LDB2: variants seen among roughly 807,000 people sequenced by gnomAD.
LDB2 encodes the protein LIM domain-binding protein 2.
LDB2 carries 12 observed loss-of-function variants against 44.3 expected under a neutral mutation model. The observed-to-expected ratio is 0.27, with a 90% CI of 0.17 to 0.44. LDB2 has a LOEUF of 0.44. Among genes scored for constraint, LDB2 ranks in the 20% least tolerant of loss-of-function variants. The probability of loss-of-function intolerance (pLI) is 1.00; values close to 1 mark genes in which losing one functional copy is unlikely to be tolerated. For missense variants in LDB2, 344 were observed against 473.5 expected (o/e 0.73, Z 2.54); for synonymous variants, 164 against 174.8 (o/e 0.94, Z 0.49).
intron 7 of LDB2, chr4:16,506,031 G>T (rs41268379): frequency 0.05 from 76,936 of 1,535,346 alleles, 2,393 homozygotes; most frequent in African/African-American, 0.12. Flanking sequence ...CCTAGCCCTC[G>T]CCAGACACAC....
At chr4:16,873,079 G>C (rs1425859294) in intron 1 of LDB2, among the ~76,000 whole-genome samples, 1 of 152,084 alleles carries the variant, frequency 6.6e-6, no homozygotes, top group Admixed American at 6.5e-5. Flanking sequence ...GAAGGAGAAT[G>C]GTGTATCGGG....
chr4:16,653,667 T>A (rs1738931671), intron 2 of LDB2: 1 of 152,126 alleles, frequency 6.6e-6, no homozygotes, highest in Non-Finnish European at 1.5e-5. Context: ...CAAGTGCAAA[T>A]TCAGTGAGGA....
At chr4:16,575,807 A>G (rs2152408569) in intron 5 of LDB2, among the ~76,000 whole-genome samples, 1 of 152,320 alleles carries the variant, frequency 6.6e-6, no homozygotes, top group South Asian at 2.1e-4. Context: ...GCACAATCTC[A>G]GCTCACTGCA....
In LDB2 at chr4:16,759,256, C is replaced by T. The variant is rs781719903; in HGVS notation, c.137G>A (p.Ser46Asn). The T allele has an allele frequency of 8.7e-6, 14 of 1,604,050 alleles. No homozygotes were observed. In the South Asian group the frequency reaches 1.1e-4, roughly 13 times the overall value. Reference protein sequence around the residue: ...NKRLQSRTEDSDNLWWDAFAT... With the variant: ...NKRLQSRTEDNDNLWWDAFAT... ...AAAGGCGTCCCACCAGAGGTTGTCA[C>T]TATCCTGCAAAGAGACAGATCATTT... The change falls in exon 2 of 8, where the codon AGT becomes AAT. Residue 46 changes from serine to asparagine, a missense_variant. Physicochemically the swap from Ser to Asn is conservative, Grantham distance 46 (BLOSUM62 1). Around this residue, in one of 3 missense-constraint regions of LDB2, gnomAD observed 226 missense variants for 270.1 expected, o/e 0.84. Coordinates refer to ENST00000304523, the MANE Select transcript of LDB2 (RefSeq NM_001290.5).
chr4:16,876,964 G>A (rs988424242), intron 1 of LDB2, among the ~76,000 whole-genome samples: 1 of 150,936 alleles, frequency 6.6e-6, no homozygotes, highest in African/African-American at 2.4e-5. Context: ...CTGGAGTGCA[G>A]TGGTGCCATC....
chr4:16,802,759 C>T (rs1778087081), intron 1 of LDB2, among the ~76,000 whole-genome samples: 1 of 152,036 alleles, frequency 6.6e-6, no homozygotes, highest in African/African-American at 2.4e-5. Flanking sequence ...ATCATGGGGG[C>T]CAATGGAACT....
At chr4:16,847,303 G>A (rs1218532901) in intron 1 of LDB2, among the ~76,000 whole-genome samples, 2 of 151,990 alleles carry the variant, frequency 1.3e-5, no homozygotes, top group African/African-American at 4.8e-5. Context: ...ACCAGAATGT[G>A]GTCAGAGGGT....
rs1042269973 is a variant in LDB2 at position 16,862,247 on chromosome 4, T to A, written c.132+36107A>T. Among the ~76,000 whole-genome samples, 11 of 137,070 alleles carry A rather than the reference T, an allele frequency of 8.0e-5. No homozygotes were observed. The East Asian group carries it at 1.6e-3, about 20-fold the overall frequency. The allele number at this position is 137,070 out of a possible 152,430, so 89.9% of individuals were successfully genotyped here. ...CTGAGTAATACATCATTTTTTTCAA[T>A]TTTTTTTTTTTATTTTTCTCCTAAA... On this transcript the variant is annotated intron_variant, in intron 1 of 7. Transcript: ENST00000304523.
intron 1 of LDB2, among the ~76,000 whole-genome samples, chr4:16,796,669 G>A (rs1265486463): frequency 1.3e-5 from 2 of 152,174 alleles, no homozygotes; most frequent in Non-Finnish European, 2.9e-5. Flanking sequence ...TGAAAAAAGA[G>A]TAATCATGTG....
chr4:16,504,112 TGA>T (rs1415588411), intron 7 of LDB2, among the ~76,000 whole-genome samples: 1 of 152,048 alleles, frequency 6.6e-6, no homozygotes, highest in Admixed American at 6.6e-5. Flanking sequence ...CTTTTGGAGA[TGA>T]GAGGGTGGGG....
chr4:16,505,994 G>A, intron 7 of LDB2: 2 of 1,550,460 alleles, frequency 1.3e-6, no homozygotes, highest in Non-Finnish European at 1.7e-6. Flanking sequence ...TGCTCATGGA[G>A]TGAGAAGCAG....
At chr4:16,813,263 G>C (rs1229407829) in intron 1 of LDB2, among the ~76,000 whole-genome samples, 1 of 152,148 alleles carries the variant, frequency 6.6e-6, no homozygotes, top group Non-Finnish European at 1.5e-5. Context: ...TGGAATTACA[G>C]GTGTGAGCCA....
Position 16,634,296 on chromosome 4 carries a change from CAAA to C in LDB2, c.236-38424_236-38422del, listed in dbSNP as rs35227929. On this transcript the variant is annotated intron_variant, in intron 2 of 7. Coordinates refer to ENST00000304523, the MANE Select transcript of LDB2 (RefSeq NM_001290.5). ...ATTAAACTAAAGTCTTTTGCACGGC[CAAA>C]AAAAAAAAAAAAAAAAGCTATCATC... Among the ~76,000 whole-genome samples, 46 of 105,416 alleles carry C rather than the reference CAAA, an allele frequency of 4.4e-4. 2 individuals are homozygous for C. In the South Asian group the frequency reaches 6.3e-3, roughly 14 times the overall value. The allele number at this position is 105,416 out of a possible 152,430, so 69.2% of individuals were successfully genotyped here.
intron 2 of LDB2, among the ~76,000 whole-genome samples, chr4:16,659,357 C>A (rs1740815022): frequency 6.6e-6 from 1 of 152,118 alleles, no homozygotes; most frequent in Non-Finnish European, 1.5e-5. Context: ...ACTTTCTTGG[C>A]ATGGCCTCAC....
chr4:16,548,819 T>C (rs754758943), intron 5 of LDB2, among the ~76,000 whole-genome samples: 7 of 152,180 alleles, frequency 4.6e-5, no homozygotes, highest in Non-Finnish European at 7.3e-5. Flanking sequence ...TGCTGACTGA[T>C]TATATGCAGA....
intron 2 of LDB2, among the ~76,000 whole-genome samples, chr4:16,722,579 T>C (rs1469046514): frequency 1.3e-5 from 2 of 152,188 alleles, no homozygotes; most frequent in Non-Finnish European, 2.9e-5. Context: ...TTTTGTGCCC[T>C]AGGCAAAGAT....
chr4:16,698,985 C>T (rs1752821909), intron 2 of LDB2, among the ~76,000 whole-genome samples: 1 of 152,166 alleles, frequency 6.6e-6, no homozygotes, highest in Admixed American at 6.5e-5. Flanking sequence ...GGTAGCTCAG[C>T]TAGCATTTTT....
intron 3 of LDB2, among the ~76,000 whole-genome samples, chr4:16,592,724 A>T (rs536323276): frequency 3.2e-4 from 48 of 152,064 alleles, no homozygotes; most frequent in African/African-American, 9.6e-4. Flanking sequence ...ATAGTAAACA[A>T]TTGAGAACAG....
intron 2 of LDB2, among the ~76,000 whole-genome samples, chr4:16,603,600 C>T (rs944663364): frequency 1.7e-4 from 26 of 152,228 alleles, no homozygotes; most frequent in African/African-American, 4.1e-4. Context: ...ATGTAGTTTA[C>T]GTCTGACAGA....
Sources: gnomAD v4.1 joint callset for allele counts (sites outside exome capture counted in the v4.1 genomes callset) on GRCh38, gnomAD v4.1.1 for gene constraint, gnomAD v4.1.1 regional missense constraint, MANE v1.5 for transcripts, NCBI Gene and HGNC (gene_info 2026-07-23, HGNC 2026-07-21) for gene names.